EIF2B3: variants seen among roughly 807,000 people sequenced by gnomAD.
EIF2B3 encodes the protein eukaryotic translation initiation factor 2B subunit gamma.
EIF2B3 carries 20 observed loss-of-function variants against 54.1 expected under a neutral mutation model. The ratio of observed to expected loss-of-function variants is 0.37; its 90% CI spans 0.26 to 0.54. The LOEUF (loss-of-function observed/expected upper bound fraction) is 0.54, where lower values mean the gene tolerates loss of function less well. Ranked by LOEUF, EIF2B3 falls within the 20% of genes least tolerant of loss-of-function variation. EIF2B3 has a pLI of 0.86. For missense variants in EIF2B3, 448 were observed against 547.8 expected (o/e 0.82, Z 1.82); for synonymous variants, 153 against 188.1 (o/e 0.81, Z 1.52).
chr1:44,883,997 C>A (rs772788953), intron 6 of EIF2B3, among the ~76,000 whole-genome samples: 1 of 152,122 alleles, frequency 6.6e-6, no homozygotes, highest in Admixed American at 6.6e-5. Flanking sequence ...TGCCACCATG[C>A]CCAGCTAATT....
At chr1:44,949,742 G>A (rs749493293) in intron 3 of EIF2B3, among the ~76,000 whole-genome samples, 3 of 152,172 alleles carry the variant, frequency 2.0e-5, no homozygotes, top group Non-Finnish European at 4.4e-5. Context: ...GGGCACGGCT[G>A]AAGAATGATG....
chr1:44,910,117 A>T (rs1034539337), intron 5 of EIF2B3, among the ~76,000 whole-genome samples: 1 of 152,218 alleles, frequency 6.6e-6, no homozygotes, highest in African/African-American at 2.4e-5. Flanking sequence ...AACATTGGGG[A>T]AAAGCTACAT....
At chr1:44,944,535 G>C (rs1644075628) in intron 3 of EIF2B3, among the ~76,000 whole-genome samples, 1 of 150,368 alleles carries the variant, frequency 6.7e-6, no homozygotes, top group African/African-American at 2.4e-5. Context: ...TCTTGCACCT[G>C]TAAGCCAAGC....
chr1:44,876,323 T>C (rs1300301073), intron 8 of EIF2B3, among the ~76,000 whole-genome samples: 2 of 135,598 alleles, frequency 1.5e-5, no homozygotes, highest in Non-Finnish European at 3.2e-5. Flanking sequence ...CGGCCGCCCA[T>C]AGTCTGGGAT....
chr1:44,907,177 C>T (rs1166994531), intron 5 of EIF2B3, among the ~76,000 whole-genome samples: 1 of 152,234 alleles, frequency 6.6e-6, no homozygotes, highest in Non-Finnish European at 1.5e-5. Flanking sequence ...TCTCTGCATC[C>T]TCTCTTACCC....
chr1:44,906,470 G>A (rs1263215518), intron 5 of EIF2B3, among the ~76,000 whole-genome samples: 2 of 152,172 alleles, frequency 1.3e-5, no homozygotes, highest in South Asian at 2.1e-4. Flanking sequence ...GCACGATCTC[G>A]ACTCACTGCA....
At chr1:44,875,955 T>G (rs1054477276) in intron 8 of EIF2B3, among the ~76,000 whole-genome samples, 1 of 152,214 alleles carries the variant, frequency 6.6e-6, no homozygotes, top group Non-Finnish European at 1.5e-5. Flanking sequence ...TGACTGGTTT[T>G]CGTATTTTTT....
chr1:44,890,173 TA>T (rs1241450218), intron 6 of EIF2B3, among the ~76,000 whole-genome samples: 2 of 152,192 alleles, frequency 1.3e-5, no homozygotes, highest in Admixed American at 6.5e-5. Context: ...GGATCTGATA[TA>T]AAAACGGGAC....
chr1:44,982,333 CTT>C (rs1189499161), intron 1 of EIF2B3, among the ~76,000 whole-genome samples: 1 of 152,322 alleles, frequency 6.6e-6, no homozygotes, highest in Middle Eastern at 3.4e-3. Context: ...GAATTTCACT[CTT>C]GTTGCCAGGC....
At chr1:44,862,614 C>T (rs1654642094) in intron 10 of EIF2B3, among the ~76,000 whole-genome samples, 1 of 152,138 alleles carries the variant, frequency 6.6e-6, no homozygotes, top group Admixed American at 6.6e-5. Flanking sequence ...ATATAAAGCA[C>T]TTTACACTCA....
At chr1:44,957,260 A>G (rs1644235652) in intron 3 of EIF2B3, among the ~76,000 whole-genome samples, 1 of 104,970 alleles carries the variant, frequency 9.5e-6, no homozygotes, top group Non-Finnish European at 2.1e-5. Context: ...GGCAAGACCT[A>G]AAAGTTTTCT....
rs763506968 is a variant in EIF2B3, at chr1:44,943,396, CTAT to C, written c.295-1734_295-1732del. On this transcript the variant is annotated intron_variant, in intron 3 of 11. Coordinates refer to ENST00000360403, the MANE Select transcript of EIF2B3 (RefSeq NM_020365.5). ...TCTATATCTATATCTATATCTATATCTATATCTATATCTATATCTATATCTAAA... is the reference window on the plus strand; with the variant it reads ...TCTATATCTATATCTATATCTATATCATCTATATCTATATCTATATCTAAA... 5.1e-3 allele frequency among the ~76,000 whole-genome samples: 770 copies of C among 151,064 alleles called. 3 individuals are homozygous for C. The highest frequency in any genetic ancestry group is 7.5e-3 in the Non-Finnish European group (512 of 67,852).
chr1:44,910,593 A>T (rs1159609426), intron 5 of EIF2B3, among the ~76,000 whole-genome samples: 1 of 150,740 alleles, frequency 6.6e-6, no homozygotes. Context: ...TTTGAAATCA[A>T]GCAAACATTT....
intron 6 of EIF2B3, among the ~76,000 whole-genome samples, chr1:44,892,369 G>A (rs987882584): frequency 1.3e-5 from 2 of 151,862 alleles, no homozygotes; most frequent in African/African-American, 2.4e-5. Context: ...CTCTTGAGCC[G>A]AGGAGTTTGA....
At chr1:44,901,971 T>C (rs573702010) in intron 5 of EIF2B3, among the ~76,000 whole-genome samples, 1 of 152,308 alleles carries the variant, frequency 6.6e-6, no homozygotes, top group South Asian at 2.1e-4. Flanking sequence ...TCCATTTTCT[T>C]TTTTCTGTAT....
At chr1:44,949,817 T>A (rs768926353) in intron 3 of EIF2B3, among the ~76,000 whole-genome samples, 56 of 152,254 alleles carry the variant, frequency 3.7e-4, no homozygotes, top group Non-Finnish European at 6.2e-4. Context: ...TATTCATAAT[T>A]CATTCACGTC....
At chr1:44,952,210 G>T (rs1339343496) in intron 3 of EIF2B3, among the ~76,000 whole-genome samples, 1 of 124,560 alleles carries the variant, frequency 8.0e-6, no homozygotes, top group Admixed American at 8.0e-5. Flanking sequence ...TGATCCGCCC[G>T]CCTCGGCCTC....
chr1:44,886,747 T>C (rs1468340564), intron 6 of EIF2B3, among the ~76,000 whole-genome samples: 1 of 152,240 alleles, frequency 6.6e-6, no homozygotes, highest in Non-Finnish European at 1.5e-5. Flanking sequence ...CCAGTTGTTT[T>C]TGTACCTCAC....
intron 3 of EIF2B3, among the ~76,000 whole-genome samples, chr1:44,976,467 C>A (rs1014429328): frequency 6.6e-6 from 1 of 152,134 alleles, no homozygotes; most frequent in Non-Finnish European, 1.5e-5. Flanking sequence ...TTGATGAAGA[C>A]GTGAAGCAAA....
Sources: gnomAD v4.1 joint callset for allele counts (sites outside exome capture counted in the v4.1 genomes callset) on GRCh38, gnomAD v4.1.1 for gene constraint, MANE v1.5 for transcripts, NCBI Gene and HGNC (gene_info 2026-07-23, HGNC 2026-07-21) for gene names.